CMSS1: variants seen among roughly 807,000 people sequenced by gnomAD.
The protein encoded by CMSS1 is cms1 ribosomal small subunit homolog.
A neutral mutation model predicts 43.5 loss-of-function variants in CMSS1; 33 were observed. That is an observed-to-expected ratio of 0.76 (90% confidence interval 0.57 to 1.01). CMSS1 has a LOEUF of 1.01. Among genes scored for constraint, CMSS1 ranks in the 50% least tolerant of loss-of-function variants. The probability of loss-of-function intolerance (pLI) is 0.00; values close to 1 mark genes in which losing one functional copy is unlikely to be tolerated. For synonymous variants in CMSS1, 115 were observed against 117.2 expected, an observed-to-expected ratio of 0.98 and a Z score of 0.12; for missense variants, 313 against 326.4, an observed-to-expected ratio of 0.96 and a Z score of 0.32.
intron 1 of CMSS1, among the ~76,000 whole-genome samples, chr3:100,104,957 C>T (rs2066369670): frequency 6.6e-6 from 1 of 152,166 alleles, no homozygotes; most frequent in African/African-American, 2.4e-5. Context: ...TATGCATTAA[C>T]TCTAATCTTT....
chr3:100,151,155 T>C (rs925856967), intron 2 of CMSS1, among the ~76,000 whole-genome samples: 6 of 152,372 alleles, frequency 3.9e-5, no homozygotes, highest in Non-Finnish European at 7.3e-5. Context: ...TGCTTATCTA[T>C]TGTTGAAAGA....
chr3:100,039,291 C>A (rs573788031), intron 1 of CMSS1, among the ~76,000 whole-genome samples: 2 of 152,252 alleles, frequency 1.3e-5, no homozygotes, highest in Admixed American at 6.5e-5. Context: ...TGTTCTTGAT[C>A]ACAGTAGTAC....
chr3:99,944,284 G>T (rs780585712), intron 1 of CMSS1, among the ~76,000 whole-genome samples: 15 of 152,288 alleles, frequency 9.8e-5, no homozygotes, highest in Middle Eastern at 3.4e-3. Flanking sequence ...GTTTAGTAGA[G>T]AGGTGATAGG....
intron 1 of CMSS1, among the ~76,000 whole-genome samples, chr3:100,131,905 A>C (rs975918168): frequency 5.3e-5 from 8 of 152,206 alleles, no homozygotes; most frequent in Admixed American, 4.6e-4. Flanking sequence ...TTAGAGCCCC[A>C]CATTATACTC....
intron 1 of CMSS1, among the ~76,000 whole-genome samples, chr3:99,933,964 T>A (rs1576583596): frequency 1.3e-5 from 2 of 152,344 alleles, no homozygotes; most frequent in Middle Eastern, 6.8e-3. Flanking sequence ...CAGCTTCAGC[T>A]TTCTTACAGC....
At chr3:100,007,660 T>C (rs1338253648) in intron 1 of CMSS1, among the ~76,000 whole-genome samples, 2 of 152,216 alleles carry the variant, frequency 1.3e-5, no homozygotes, top group Admixed American at 1.3e-4. Context: ...AGGTCAACCT[T>C]TAAATTGCCT....
intron 1 of CMSS1, among the ~76,000 whole-genome samples, chr3:99,879,205 C>A (rs1705638560): frequency 6.6e-6 from 1 of 152,050 alleles, no homozygotes; most frequent in African/African-American, 2.4e-5. Context: ...ATTTTTCTAC[C>A]AAGTTCATTG....
chr3:99,897,295 G>A (rs974903513), intron 1 of CMSS1, among the ~76,000 whole-genome samples: 4 of 151,962 alleles, frequency 2.6e-5, no homozygotes, highest in Admixed American at 6.6e-5. Flanking sequence ...GGAGGCCTCC[G>A]CGGGAGGAGG....
intron 1 of CMSS1, among the ~76,000 whole-genome samples, chr3:99,964,064 ATTG>A (rs1307560675): frequency 7.2e-5 from 11 of 151,994 alleles, no homozygotes; most frequent in African/African-American, 2.7e-4. Flanking sequence ...GAACATAATA[ATTG>A]TTATGTGATT....
chr3:100,082,168 T>A (rs952701124), intron 1 of CMSS1, among the ~76,000 whole-genome samples: 4 of 152,244 alleles, frequency 2.6e-5, no homozygotes, highest in Non-Finnish European at 5.9e-5. Context: ...CCCATTATGT[T>A]GTTTATAACA....
chr3:99,921,600 A>G (rs1707126019), intron 1 of CMSS1, among the ~76,000 whole-genome samples: 1 of 152,182 alleles, frequency 6.6e-6, no homozygotes, highest in African/African-American at 2.4e-5. Context: ...ATAGATGAAT[A>G]TTCTCATATC....
chr3:100,075,888 G>T (rs938837178), intron 1 of CMSS1, among the ~76,000 whole-genome samples: 14 of 151,992 alleles, frequency 9.2e-5, no homozygotes, highest in Non-Finnish European at 1.9e-4. Context: ...ATCCTTCTGG[G>T]GTATTAGGAT....
intron 1 of CMSS1, among the ~76,000 whole-genome samples, chr3:100,051,783 C>T (rs997774186): frequency 1.3e-5 from 2 of 150,816 alleles, no homozygotes; most frequent in African/African-American, 4.9e-5. Flanking sequence ...GGTTCCAAGT[C>T]TTTGCTATTG....
chr3:99,884,921 T>C, intron 1 of CMSS1, among the ~76,000 whole-genome samples: 1 of 152,210 alleles, frequency 6.6e-6, no homozygotes, highest in East Asian at 1.9e-4. Context: ...GTTTCTTTAC[T>C]TCCTTGACCA....
At chr3:100,166,258 A>G (rs967175255) in intron 4 of CMSS1, 77 bp from the exon 5 acceptor site, 1 of 965,854 alleles carries the variant, frequency 1.0e-6, no homozygotes, top group Admixed American at 1.8e-5. Context: ...TACATCACTC[A>G]TAACTCACAT....
chr3:100,002,127 C>T (rs1411448052), intron 1 of CMSS1, among the ~76,000 whole-genome samples: 1 of 152,174 alleles, frequency 6.6e-6, no homozygotes, highest in East Asian at 1.9e-4. Flanking sequence ...TGGGACTGAC[C>T]ACCTCCTGTA....
intron 1 of CMSS1, among the ~76,000 whole-genome samples, chr3:100,091,541 G>A (rs1006210532): frequency 2.0e-5 from 3 of 152,180 alleles, no homozygotes; most frequent in African/African-American, 7.2e-5. Context: ...CCAGCCATAA[G>A]CATCATAAGT....
intron 1 of CMSS1, among the ~76,000 whole-genome samples, chr3:100,068,901 ACCACTC>A (rs2065713789): frequency 6.6e-6 from 1 of 152,172 alleles, no homozygotes; most frequent in African/African-American, 2.4e-5. Context: ...ATTCACAGGT[ACCACTC>A]CCAAGAAAGT....
intron 1 of CMSS1, among the ~76,000 whole-genome samples, chr3:99,869,651 C>T (rs750139481): frequency 6.6e-6 from 1 of 152,160 alleles, no homozygotes; most frequent in South Asian, 2.1e-4. Flanking sequence ...CTGGACCAGG[C>T]AACTCCTTCC....
Sources: gnomAD v4.1 joint callset for allele counts (sites outside exome capture counted in the v4.1 genomes callset) on GRCh38, gnomAD v4.1.1 for gene constraint, MANE v1.5 for transcripts, NCBI Gene and HGNC (gene_info 2026-07-23, HGNC 2026-07-21) for gene names.